The following CYP7B1 variants were observed in gnomAD, a reference collection of about 807,000 sequenced individuals.
CYP7B1 encodes the protein cytochrome P450 family 7 subfamily B member 1, also known as cytochrome P450 7B1.
A neutral mutation model predicts 42.7 loss-of-function variants in CYP7B1; 29 were observed. The ratio of observed to expected loss-of-function variants is 0.68; its 90% confidence interval spans 0.51 to 0.93. The LOEUF is 0.93. CYP7B1 is among the 40% of genes least tolerant of loss of function. CYP7B1 has a pLI of 0.00. For synonymous variants in CYP7B1, 235 were observed against 218.2 expected, an observed-to-expected ratio of 1.08 and a Z score of -0.68; for missense variants, 655 against 600.5, an observed-to-expected ratio of 1.09 and a Z score of -0.95.
At chr8:64,696,056 G>T (rs1286464236) in intron 1 of CYP7B1, among the ~76,000 whole-genome samples, 1 of 152,024 alleles carries the variant, frequency 6.6e-6, no homozygotes, top group Non-Finnish European at 1.5e-5. Flanking sequence ...AATGCTAAAT[G>T]TCCAGAACAA....
intron 1 of CYP7B1, among the ~76,000 whole-genome samples, chr8:64,771,045 A>ATTTTT (rs1308107007): frequency 2.7e-4 from 11 of 40,480 alleles, no homozygotes; most frequent in Admixed American, 5.5e-4. Context: ...GGATATCAGC[A>ATTTTT]TCTTTTTTTT....
At chr8:64,724,225 T>C (rs564100182) in intron 1 of CYP7B1, among the ~76,000 whole-genome samples, 62 of 152,226 alleles carry the variant, frequency 4.1e-4, no homozygotes, top group Non-Finnish European at 5.3e-4. Flanking sequence ...CTGCAACCTC[T>C]GCCTCCTGGG....
intron 1 of CYP7B1, among the ~76,000 whole-genome samples, chr8:64,684,230 CAT>C (rs1025969775): frequency 1.3e-5 from 2 of 152,204 alleles, no homozygotes; most frequent in Admixed American, 6.5e-5. Flanking sequence ...AGTAAGATGA[CAT>C]AGCATAAGAG....
intron 1 of CYP7B1, among the ~76,000 whole-genome samples, chr8:64,666,700 G>A (rs1585842553): frequency 6.6e-6 from 1 of 152,132 alleles, no homozygotes. Flanking sequence ...AAATAGTCTG[G>A]TATTCAATTA....
rs1806076238 is a variant in CYP7B1, at chr8:64,653,825, G to A, written c.123-29286C>T. The stretch of plus-strand genomic sequence containing the variant: ...CATGACCAAGTGGTCTTCATCCCCA[G>A]GATGCAAGTTTGGTTCAACATAAGC... On this transcript the variant is annotated intron_variant, in intron 1 of 5. Coordinates refer to ENST00000310193, the MANE Select transcript of CYP7B1 (RefSeq NM_004820.5). Among the ~76,000 whole-genome samples, 3 of 152,128 alleles carry A rather than the reference G, an allele frequency of 2.0e-5. No homozygotes were observed. The South Asian group carries it at 6.2e-4, about 32-fold the overall frequency.
At chr8:64,663,850 T>A (rs1478144982) in intron 1 of CYP7B1, among the ~76,000 whole-genome samples, 2 of 152,242 alleles carry the variant, frequency 1.3e-5, no homozygotes, top group Admixed American at 1.3e-4. Flanking sequence ...TGCCTATTCC[T>A]TGCCACTCGG....
At chr8:64,627,670 A>T (rs369194927) in intron 1 of CYP7B1, among the ~76,000 whole-genome samples, 1 of 152,244 alleles carries the variant, frequency 6.6e-6, no homozygotes, top group African/African-American at 2.4e-5. Flanking sequence ...ATTCAGAGTT[A>T]GGGAAGCACA....
At position 64,678,881 on chromosome 8, in the gene CYP7B1, C is replaced by CTGTGTGTG. The variant is rs56067911; in HGVS notation, c.123-54350_123-54343dup. On this transcript the variant is annotated intron_variant, in intron 1 of 5. Transcript: ENST00000310193. ...GAATTGCTTTTGTTAAACATCAATGCTGTGTGTGTGTGTGTGTGTGTGTGT... is the reference window on the plus strand; with the variant it reads ...GAATTGCTTTTGTTAAACATCAATGCTGTGTGTGTGTGTGTGTGTGTGTGTGTGTGTGT... Among the ~76,000 whole-genome samples the CTGTGTGTG allele has an allele frequency of 1.7e-3, 257 of 147,738 alleles. 2 individuals are homozygous for CTGTGTGTG. Among genetic ancestry groups the CTGTGTGTG allele is most frequent in the Middle Eastern group, 3.5e-3 (1 of 288 alleles).
chr8:64,766,766 CT>C (rs1366807782), intron 1 of CYP7B1, among the ~76,000 whole-genome samples: 1 of 152,218 alleles, frequency 6.6e-6, no homozygotes, highest in Non-Finnish European at 1.5e-5. Context: ...TCAGAAGCCA[CT>C]AACCAGATGA....
intron 1 of CYP7B1, among the ~76,000 whole-genome samples, chr8:64,695,603 CTTTTTTTTTTTTT>C (rs35575527): frequency 0.024 from 2,406 of 100,176 alleles, 73 homozygotes; most frequent in African/African-American, 0.079. Context: ...TATCAAATTC[CTTTTTTTTTTTTT>C]TTTTTTTTTT....
intron 1 of CYP7B1, among the ~76,000 whole-genome samples, chr8:64,747,170 A>C (rs895780808): frequency 2.4e-4 from 36 of 148,418 alleles, no homozygotes; most frequent in African/African-American, 8.8e-4. Flanking sequence ...ATTGTATATT[A>C]CATAAGCATT....
rs1806319081 is a variant in CYP7B1, at chr8:64,668,682, TA to T, written c.123-44144del. On this transcript the variant is annotated intron_variant, in intron 1 of 5. Transcript: ENST00000310193. Reference sequence around the variant, plus strand: ...GATACTGTTTTGGTTTGTTTTTTTTTAAAAGGAAAAAAAATCTCTATTAAAC... The same window carrying T: ...GATACTGTTTTGGTTTGTTTTTTTTTAAAGGAAAAAAAATCTCTATTAAAC... Among the ~76,000 whole-genome samples the T allele has an allele frequency of 2.3e-5, 3 of 129,802 alleles. No homozygotes were observed. The South Asian group carries it at 7.0e-4, about 30-fold the overall frequency. 85.2% of individuals were successfully genotyped at this position (129,802 alleles called of 152,430 possible).
chr8:64,774,294 T>G (rs1299355571), intron 1 of CYP7B1, among the ~76,000 whole-genome samples: 1 of 152,242 alleles, frequency 6.6e-6, no homozygotes, highest in Non-Finnish European at 1.5e-5. Flanking sequence ...CATCTCTATG[T>G]AACCAGTAGC....
intron 1 of CYP7B1, among the ~76,000 whole-genome samples, chr8:64,797,513 A>G (rs6988434): frequency 0.022 from 3,402 of 152,250 alleles, 131 homozygotes; most frequent in African/African-American, 0.076. Context: ...GAAAACTGAC[A>G]TGGGAAGAAA....
At chr8:64,725,752 G>C (rs1319681737) in intron 1 of CYP7B1, among the ~76,000 whole-genome samples, 1 of 152,202 alleles carries the variant, frequency 6.6e-6, no homozygotes, top group Non-Finnish European at 1.5e-5. Flanking sequence ...GATGAAAACA[G>C]AAAATATGAC....
intron 1 of CYP7B1, among the ~76,000 whole-genome samples, chr8:64,651,043 A>G (rs1240529797): frequency 6.6e-6 from 1 of 152,230 alleles, no homozygotes; most frequent in Non-Finnish European, 1.5e-5. Flanking sequence ...GTGGGGGAAG[A>G]CGGAGATGAG....
intron 1 of CYP7B1, among the ~76,000 whole-genome samples, chr8:64,776,137 C>A (rs1039106657): frequency 6.6e-6 from 1 of 152,070 alleles, no homozygotes; most frequent in Non-Finnish European, 1.5e-5. Flanking sequence ...AACAGTAGTT[C>A]GAAGAGGAAA....
At chr8:64,767,019 A>AATTT (rs1227413717) in intron 1 of CYP7B1, among the ~76,000 whole-genome samples, 1 of 152,186 alleles carries the variant, frequency 6.6e-6, no homozygotes, top group East Asian at 1.9e-4. Flanking sequence ...GTGACTGGGG[A>AATTT]ACTTTACTCT....
At chr8:64,662,931 G>A (rs1806220410) in intron 1 of CYP7B1, among the ~76,000 whole-genome samples, 1 of 152,166 alleles carries the variant, frequency 6.6e-6, no homozygotes, top group Admixed American at 6.5e-5. Flanking sequence ...GACAATCTAT[G>A]TGAGTTCACA....
Sources: gnomAD v4.1 joint callset for allele counts (sites outside exome capture counted in the v4.1 genomes callset) on GRCh38, gnomAD v4.1.1 for gene constraint, MANE v1.5 for transcripts, NCBI Gene and HGNC (gene_info 2026-07-23, HGNC 2026-07-21) for gene names.